AMPD1: variants seen among roughly 807,000 people sequenced by gnomAD.
AMPD1 encodes adenosine monophosphate deaminase 1, also known as AMP deaminase 1.
Under a neutral mutation model 82.9 loss-of-function variants are expected in AMPD1, and 74 were observed. That is an observed-to-expected ratio of 0.89 (90% CI 0.74 to 1.08). The LOEUF (loss-of-function observed/expected upper bound fraction) is 1.08, where lower values mean the gene tolerates loss of function less well. AMPD1 is among the 50% of genes least tolerant of loss of function. The pLI is 0.00. For missense variants in AMPD1, 881 were observed against 924.5 expected (o/e 0.95, Z 0.61); for synonymous variants, 333 against 320.5 (o/e 1.04, Z -0.42).
chr1:114,675,622 C>T lies in AMPD1; in HGVS notation c.1587G>A (p.Lys529=). Residue 529 remains lysine, a synonymous_variant, in exon 12 of 16, where the codon AAG becomes AAA. Coordinates refer to ENST00000520113, the MANE Select transcript of AMPD1 (RefSeq NM_000036.3). ...TCTTTTCCAATGTCCACTCCTGGGG[C>T]TTGGGACTCTTGGAGGAGAACATGT... ...SGHMFSSKSP[K]PQEWTLEKNP... is the part of the protein sequence containing the mutation. 6.2e-7 allele frequency: 1 copy of T among 1,614,218 alleles called. No homozygotes were observed. The highest frequency in any genetic ancestry group is 1.1e-5 in the South Asian group (1 of 91,088).
chr1:114,694,168 A>G (rs1658603460), intron 1 of AMPD1, among the ~76,000 whole-genome samples: 1 of 152,108 alleles, frequency 6.6e-6, no homozygotes, highest in Non-Finnish European at 1.5e-5. Flanking sequence ...GTGAGCCAAG[A>G]TCGCACCACT....
chr1:114,687,302 A>G (rs552458893), intron 3 of AMPD1, among the ~76,000 whole-genome samples: 13 of 152,310 alleles, frequency 8.5e-5, no homozygotes, highest in African/African-American at 3.1e-4. Context: ...ACCCATCTAA[A>G]ACAAATGGTG....
chr1:114,674,747 CT>C lies in AMPD1; in HGVS notation c.1800+4del, dbSNP rs1372105259. ...TAAAAGTTAAGAAGAGAGCTTCCAACTCACCTTTTTTAAATTTAGGCCATGA... is the reference window on the plus strand; with the variant it reads ...TAAAAGTTAAGAAGAGAGCTTCCAACCACCTTTTTTAAATTTAGGCCATGA... On this transcript the variant is annotated splice_donor_region_variant and intron_variant, in intron 13 of 15. Coordinates refer to ENST00000520113, the MANE Select transcript of AMPD1 (RefSeq NM_000036.3). 6.2e-7 allele frequency: 1 copy of C among 1,613,556 alleles called. No individual in the cohort carries two copies. Among genetic ancestry groups the C allele is most frequent in the East Asian group, 2.2e-5 (1 of 44,876 alleles).
chr1:114,680,447 G>T lies in AMPD1; in HGVS notation c.579C>A (p.Asp193Glu). The T allele has an allele frequency of 1.2e-6, 2 of 1,614,114 alleles. No homozygotes were observed. Among genetic ancestry groups the T allele is most frequent in the Non-Finnish European group, 1.7e-6 (2 of 1,180,024 alleles). The change falls in exon 6 of 16, where the codon GAC (aspartate) becomes GAA (glutamate). Residue 193 changes from aspartate to glutamate, a missense_variant. Asp to Glu is a conservative substitution (Grantham distance 45). Transcript: ENST00000520113. Reference sequence around the variant, plus strand: ...CAGGAAGGTTGTCTGTTCGGAAGGGGTCCTCTCCCTTCTTCACAGGAGGAG... The same window carrying T: ...CAGGAAGGTTGTCTGTTCGGAAGGGTTCCTCTCCCTTCTTCACAGGAGGAG... Reference protein sequence around the residue: ...VFTPPVKKGEDPFRTDNLPEN... With the variant: ...VFTPPVKKGEEPFRTDNLPEN...
chr1:114,686,478 T>C (rs1184900550), intron 4 of AMPD1, among the ~76,000 whole-genome samples: 2 of 152,188 alleles, frequency 1.3e-5, no homozygotes, highest in Non-Finnish European at 2.9e-5. Context: ...AATCTGTCCA[T>C]TGTATTCTGT....
rs1158490898 is a variant in AMPD1, at chr1:114,679,682, T to C, written c.794A>G (p.Lys265Arg). Residue 265 changes from lysine (K) to arginine (R), a missense_variant, in exon 7 of 16, where the codon AAG becomes AGG. Around this residue, in one of 2 missense-constraint regions of AMPD1, gnomAD observed 783 missense variants for 786.4 expected, o/e 1.00. Transcript: ENST00000520113. ...PVKTYTHRRL[K>R]FLSSKFQVHQ... Reference sequence around the variant, plus strand: ...GACCTGGAACTTGGAGGAGAGGAACTTCAGGCGCCGGTGGGTATAGGTCTT... The same window carrying C: ...GACCTGGAACTTGGAGGAGAGGAACCTCAGGCGCCGGTGGGTATAGGTCTT... 6.2e-7 allele frequency: 1 copy of C among 1,613,984 alleles called. No homozygotes were observed. The highest frequency in any genetic ancestry group is 2.2e-5 in the East Asian group (1 of 44,892).
At chr1:114,686,191 C>G (rs990071033) in intron 4 of AMPD1, among the ~76,000 whole-genome samples, 1 of 152,064 alleles carries the variant, frequency 6.6e-6, no homozygotes, top group African/African-American at 2.4e-5. Context: ...GAGTTCAGGT[C>G]GTCAAAAAAA....
intron 7 of AMPD1, 109 bp downstream of exon 7, chr1:114,679,469 AC>A: frequency 6.9e-7 from 1 of 1,454,158 alleles, no homozygotes; most frequent in Non-Finnish European, 9.6e-7. Flanking sequence ...AATCCACTGA[AC>A]CTGTAGAAAT....
intron 5 of AMPD1, among the ~76,000 whole-genome samples, chr1:114,683,802 G>T (rs539012388): frequency 6.6e-6 from 1 of 152,280 alleles, no homozygotes; most frequent in African/African-American, 2.4e-5. Context: ...GCTAAAGACT[G>T]GACTTTGCTT....
chr1:114,688,904 TG>T (rs1557974174), intron 2 of AMPD1, 163 bp from the exon 3 acceptor site: 2 of 809,468 alleles, frequency 2.5e-6, no homozygotes, highest in Non-Finnish European at 2.2e-6. Flanking sequence ...CTCCTTTTAG[TG>T]GGTTTCTGTG....
chr1:114,691,387 C>T (rs1475942175), intron 2 of AMPD1, among the ~76,000 whole-genome samples: 1 of 150,558 alleles, frequency 6.6e-6, no homozygotes, highest in Non-Finnish European at 1.5e-5. Context: ...GTGAGAACCT[C>T]ACCTCCACAA....
rs777619817 is a variant in AMPD1, at chr1:114,688,733, C to T, written c.43G>A (p.Asp15Asn). The stretch of plus-strand genomic sequence containing the variant: ...TTTTCAGCAAAGTTGCGCATTGCAT[C>T]ATCAATTTCTAAAAGAGGTTTTCAC... ...KLPAEEKQIDDAMRNFAEKVF... is the reference protein window; with the variant it reads ...KLPAEEKQIDNAMRNFAEKVF... Residue 15 changes from aspartate to asparagine, a missense_variant, in exon 3 of 16, where the codon GAT becomes AAT. Physicochemically the swap from Asp to Asn is conservative, Grantham distance 23. Coordinates refer to ENST00000520113, the MANE Select transcript of AMPD1 (RefSeq NM_000036.3). The T allele has an allele frequency of 3.7e-6, 6 of 1,614,078 alleles. No individual in the cohort carries two copies. The highest frequency in any genetic ancestry group is 1.3e-5 in the African/African-American group (1 of 74,932).
intron 12 of AMPD1, 148 bp from the exon 13 acceptor site, chr1:114,675,020 G>T: frequency 1.8e-6 from 2 of 1,087,778 alleles, no homozygotes; most frequent in Non-Finnish European, 2.7e-6. Context: ...CTTAATTCTT[G>T]CTAAATACAA....
At chr1:114,684,466 C>T in intron 4 of AMPD1, 102 bp from the exon 5 acceptor site, 1 of 1,268,002 alleles carries the variant, frequency 7.9e-7, no homozygotes, top group Non-Finnish European at 1.1e-6. Flanking sequence ...CTGTGTATCG[C>T]AGCCCATTCT....
intron 15 of AMPD1, 48 bp from the exon 16 acceptor site, chr1:114,673,320 G>T: frequency 1.3e-6 from 2 of 1,596,512 alleles, no homozygotes; most frequent in Non-Finnish European, 1.7e-6. Context: ...TTTTCACCCT[G>T]GTATAGACAA....
At position 114,673,230 on chromosome 1, in the gene AMPD1, G is replaced by C. The variant is rs1206655873; in HGVS notation, c.2128C>G (p.Pro710Ala). Residue 710 changes from proline to alanine, a missense_variant, in exon 16 of 16, where the codon CCT (proline) becomes GCT (alanine). This residue lies in a region of AMPD1 where 98 missense variants were observed against 138.1 expected (regional missense o/e 0.71). Coordinates refer to ENST00000520113, the MANE Select transcript of AMPD1 (RefSeq NM_000036.3). ...GTCCTCCGGATATCATTTCCAGCAG[G>C]GCCTTCCTCAAGGTAATTGTCGCCC... ...FLGDNYLEEG[P>A]AGNDIRRTNV... 6.2e-7 allele frequency: 1 copy of C among 1,613,978 alleles called. No homozygotes were observed. The highest frequency in any genetic ancestry group is 1.1e-5 in the South Asian group (1 of 91,066).
intron 1 of AMPD1, among the ~76,000 whole-genome samples, chr1:114,693,764 A>G (rs946446677): frequency 6.6e-6 from 1 of 152,218 alleles, no homozygotes; most frequent in African/African-American, 2.4e-5. Flanking sequence ...GGTAGTAGTA[A>G]ACTTAAAACA....
At chr1:114,695,003 A>T (rs1214074950) in intron 1 of AMPD1, among the ~76,000 whole-genome samples, 1 of 152,192 alleles carries the variant, frequency 6.6e-6, no homozygotes. Context: ...TTATTATTTT[A>T]AAAATTACTC....
chr1:114,677,419 G>A lies in AMPD1; in HGVS notation c.1320C>T (p.Ser440=), dbSNP rs956872171. Residue 440 remains serine, a synonymous_variant, in exon 10 of 16, where the codon TCC becomes TCT. Transcript: ENST00000520113. ...GRSPDEWSKL[S]SWFVCNRIHC... ...GGATGCGATTGCAGACGAACCAGGAGGAGAGTTTGCTCCACTCATCAGGAC... is the reference window on the plus strand; with the variant it reads ...GGATGCGATTGCAGACGAACCAGGAAGAGAGTTTGCTCCACTCATCAGGAC... 7 of 1,612,050 alleles carry A rather than the reference G, an allele frequency of 4.3e-6. No individual in the cohort carries two copies. Among genetic ancestry groups the A allele is most frequent in the Non-Finnish European group, 5.9e-6 (7 of 1,179,668 alleles).
Sources: allele counts gnomAD v4.1 joint callset (sites outside exome capture counted in the v4.1 genomes callset), GRCh38; gene constraint gnomAD v4.1.1; regional missense constraint gnomAD v4.1.1; transcripts MANE v1.5; gene names NCBI Gene and HGNC (gene_info 2026-07-23, HGNC 2026-07-21).